ZNF608: variants seen among roughly 807,000 people sequenced by gnomAD.
ZNF608 encodes zinc finger protein 608.
ZNF608 carries 12 observed loss-of-function variants against 109.0 expected under a neutral mutation model. That is an observed-to-expected ratio of 0.11 (90% confidence interval 0.07 to 0.18). The LOEUF (loss-of-function observed/expected upper bound fraction) is 0.18. Among genes scored for constraint, ZNF608 ranks in the 10% least tolerant of loss-of-function variants. The pLI is 1.00. For missense variants in ZNF608, 1,707 were observed against 1,879.3 expected (o/e 0.91, Z 1.70); for synonymous variants, 732 against 717.4 (o/e 1.02, Z -0.33).
intron 2 of ZNF608, among the ~76,000 whole-genome samples, chr5:124,730,653 T>C (rs1457532362): frequency 6.6e-6 from 1 of 152,206 alleles, no homozygotes; most frequent in Admixed American, 6.5e-5. Context: ...ATAGAAATCA[T>C]TTTCAGAGTG....
intron 3 of ZNF608, among the ~76,000 whole-genome samples, chr5:124,671,516 C>G (rs940201624): frequency 1.3e-5 from 2 of 152,172 alleles, no homozygotes; most frequent in Non-Finnish European, 2.9e-5. Context: ...TGTGTCTACC[C>G]ACACAATACC....
chr5:124,710,964 G>C (rs1753463562), intron 2 of ZNF608, among the ~76,000 whole-genome samples: 1 of 152,198 alleles, frequency 6.6e-6, no homozygotes. Flanking sequence ...AAAGGCAAGG[G>C]TGGGTTTTCT....
At chr5:124,710,456 A>AT (rs1278054681) in intron 2 of ZNF608, 1 of 336,666 alleles carries the variant, frequency 3.0e-6, no homozygotes, top group African/African-American at 2.2e-5. Context: ...TATGTGGTGT[A>AT]TAAAGCTATG....
chr5:124,676,956 A>G (rs1267998629), intron 3 of ZNF608, among the ~76,000 whole-genome samples: 1 of 152,252 alleles, frequency 6.6e-6, no homozygotes, highest in African/African-American at 2.4e-5. Context: ...CAATAGGGTT[A>G]AGGAAGGATC....
At chr5:124,697,169 C>T (rs1010816580) in intron 3 of ZNF608, among the ~76,000 whole-genome samples, 2 of 147,158 alleles carry the variant, frequency 1.4e-5, no homozygotes, top group East Asian at 2.0e-4. Flanking sequence ...TAGTAAATAA[C>T]GGTCGGAATA....
chr5:124,735,311 G>A (rs1444939347), intron 2 of ZNF608: 1 of 152,214 alleles, frequency 6.6e-6, no homozygotes, highest in Non-Finnish European at 1.5e-5. Flanking sequence ...AGAGCTGACA[G>A]ATTTACAGCG....
At chr5:124,680,845 T>C (rs554449931) in intron 3 of ZNF608, among the ~76,000 whole-genome samples, 74 of 151,906 alleles carry the variant, frequency 4.9e-4, no homozygotes, top group African/African-American at 1.5e-3. Context: ...GCAATGCCAA[T>C]AACCAAAATA....
Position 124,643,673 on chromosome 5 carries a change from G to A in ZNF608, c.4134C>T (p.Leu1378=), listed in dbSNP as rs374773415. 4.3e-6 allele frequency: 7 copies of A among 1,614,018 alleles called. No homozygotes were observed. The highest frequency in any genetic ancestry group is 1.7e-5 in the Admixed American group (1 of 59,986). Reference sequence around the variant, plus strand: ...AAACAGGATAATGAAATCCTGGAGAGAGATATGCCCCTGCAGATAAACAAC... The same window carrying A: ...AAACAGGATAATGAAATCCTGGAGAAAGATATGCCCCTGCAGATAAACAAC... ...VLMHSYPGAY[L]SPGFHYPVYG... Residue 1378 remains leucine (L), a synonymous_variant, in exon 7 of 10, where the codon CTC becomes CTT. Transcript: ENST00000513986.
At chr5:124,662,615 T>C (rs550255083) in intron 3 of ZNF608, among the ~76,000 whole-genome samples, 2 of 152,366 alleles carry the variant, frequency 1.3e-5, no homozygotes, top group South Asian at 4.1e-4. Context: ...AGGCTATTGT[T>C]AGTAACTCAG....
At chr5:124,646,089 G>A (rs567617909) in intron 5 of ZNF608, among the ~76,000 whole-genome samples, 22 of 152,296 alleles carry the variant, frequency 1.4e-4, no homozygotes, top group Non-Finnish European at 2.2e-4. Flanking sequence ...CTGGCCAGGC[G>A]CGGTGGCTCA....
chr5:124,660,938 G>A (rs943936753), intron 3 of ZNF608, among the ~76,000 whole-genome samples: 1 of 150,652 alleles, frequency 6.6e-6, no homozygotes, highest in African/African-American at 2.4e-5. Context: ...TCAGTTATGC[G>A]CATCTACACT....
chr5:124,692,791 A>G (rs1752674067), intron 3 of ZNF608, among the ~76,000 whole-genome samples: 1 of 152,222 alleles, frequency 6.6e-6, no homozygotes, highest in African/African-American at 2.4e-5. Flanking sequence ...CTTTATTAAA[A>G]TATAGATAAT....
At chr5:124,637,960 T>G in intron 9 of ZNF608, 54 bp from the exon 10 acceptor site, 1 of 1,607,286 alleles carries the variant, frequency 6.2e-7, no homozygotes, top group Non-Finnish European at 8.5e-7. Flanking sequence ...TTTGTTTGTT[T>G]GTTTTTTGAG....
At chr5:124,735,011 G>A (rs1749078841) in intron 2 of ZNF608, 1 of 152,086 alleles carries the variant, frequency 6.6e-6, no homozygotes, top group African/African-American at 2.4e-5. Context: ...GCTTTGTTTT[G>A]TTTTAATGTA....
rs199764268 is a variant in ZNF608, at chr5:124,648,679, C to T, written c.1705G>A (p.Gly569Ser). 1 of 1,614,176 alleles carries T rather than the reference C, an allele frequency of 6.2e-7. No homozygotes were observed. The highest frequency in any genetic ancestry group is 1.7e-5 in the Admixed American group (1 of 60,022). Residue 569 changes from glycine (G) to serine (S), a missense_variant, in exon 5 of 10, where the codon GGC (glycine) becomes AGC (serine). By Grantham distance (56) the Gly-to-Ser change is moderately conservative. Coordinates refer to ENST00000513986, the MANE Select transcript of ZNF608 (RefSeq NM_020747.3). Reference sequence around the variant, plus strand: ...GCATGAGCCTGGTGGTACCTCAGGCCGTTAATGTGCTTGTACTTTTTGTTG... The same window carrying T: ...GCATGAGCCTGGTGGTACCTCAGGCTGTTAATGTGCTTGTACTTTTTGTTG... ...NCNKKYKHIN[G>S]LRYHQAHAHL...
chr5:124,725,812 C>A (rs1476580543), intron 2 of ZNF608, among the ~76,000 whole-genome samples: 1 of 152,118 alleles, frequency 6.6e-6, no homozygotes, highest in African/African-American at 2.4e-5. Context: ...TGTCTCCTCT[C>A]TCTCTCTAGT....
intron 3 of ZNF608, among the ~76,000 whole-genome samples, chr5:124,697,463 C>T (rs1301334977): frequency 6.6e-6 from 1 of 151,946 alleles, no homozygotes; most frequent in Middle Eastern, 3.2e-3. Flanking sequence ...AAATTCTTTC[C>T]AACATCTGTG....
chr5:124,720,537 A>G (rs1753862320), intron 2 of ZNF608, among the ~76,000 whole-genome samples: 1 of 152,252 alleles, frequency 6.6e-6, no homozygotes, highest in Non-Finnish European at 1.5e-5. Flanking sequence ...GTAAACATGT[A>G]TAGCTTCAAT....
chr5:124,640,278 T>A (rs1231993587), intron 8 of ZNF608, among the ~76,000 whole-genome samples: 1 of 152,186 alleles, frequency 6.6e-6, no homozygotes, highest in African/African-American at 2.4e-5. Context: ...TAATCCACAA[T>A]GTGATTAGAT....
Sources: gnomAD v4.1 joint callset for allele counts (sites outside exome capture counted in the v4.1 genomes callset) on GRCh38, gnomAD v4.1.1 for gene constraint, MANE v1.5 for transcripts, NCBI Gene and HGNC (gene_info 2026-07-23, HGNC 2026-07-21) for gene names.